SPIRE1: variants seen among roughly 807,000 people sequenced by gnomAD.
SPIRE1 encodes protein spire homolog 1.
A neutral mutation model predicts 94.1 loss-of-function variants in SPIRE1; 40 were observed. The observed-to-expected ratio is 0.43, with a 90% confidence interval of 0.33 to 0.55. The LOEUF is 0.55. Among genes scored for constraint, SPIRE1 ranks in the 20% least tolerant of loss-of-function variants. The probability of loss-of-function intolerance (pLI) is 0.06; values close to 1 mark genes in which losing one functional copy is unlikely to be tolerated. For synonymous variants in SPIRE1, 376 were observed against 371.7 expected (o/e 1.01, Z -0.13); for missense variants, 838 against 975.2 (o/e 0.86, Z 1.87).
chr18:12,496,538 A>T (rs1287746432), intron 6 of SPIRE1, among the ~76,000 whole-genome samples: 2 of 152,130 alleles, frequency 1.3e-5, no homozygotes, highest in African/African-American at 4.8e-5. Flanking sequence ...GTTAGAGACC[A>T]GCCTGGCCAA....
intron 2 of SPIRE1, among the ~76,000 whole-genome samples, chr18:12,557,713 AATAT>A (rs151266769): frequency 2.0e-5 from 3 of 146,908 alleles, no homozygotes; most frequent in East Asian, 4.0e-4. Flanking sequence ...ACAATATACA[AATAT>A]ATATATATAT....
At chr18:12,494,105 G>GTC (rs1166930555) in intron 7 of SPIRE1, among the ~76,000 whole-genome samples, 4 of 151,784 alleles carry the variant, frequency 2.6e-5, no homozygotes, top group Admixed American at 2.6e-4. Flanking sequence ...TAGAGAGAGG[G>GTC]TCTCTCTATG....
chr18:12,624,845 A>G (rs1598550380), intron 2 of SPIRE1, among the ~76,000 whole-genome samples: 1 of 151,548 alleles, frequency 6.6e-6, no homozygotes, highest in Admixed American at 6.6e-5. Flanking sequence ...AAAAAAAAAA[A>G]GTAATTATAA....
chr18:12,577,803 A>T (rs1378220341), intron 2 of SPIRE1, among the ~76,000 whole-genome samples: 1 of 152,248 alleles, frequency 6.6e-6, no homozygotes, highest in African/African-American at 2.4e-5. Context: ...TTTTACATAT[A>T]TGTGTATTTA....
At chr18:12,599,439 T>A (rs1010518444) in intron 2 of SPIRE1, among the ~76,000 whole-genome samples, 7 of 152,244 alleles carry the variant, frequency 4.6e-5, no homozygotes, top group African/African-American at 9.6e-5. Flanking sequence ...TTAAAAAAAT[T>A]TTTTTATAGA....
chr18:12,575,095 T>C (rs1002834345), intron 2 of SPIRE1, among the ~76,000 whole-genome samples: 1 of 151,994 alleles, frequency 6.6e-6, no homozygotes, highest in African/African-American at 2.4e-5. Flanking sequence ...GAGGTAGGTG[T>C]TTTCAGTCTG....
chr18:12,572,640 T>G (rs537908113), intron 2 of SPIRE1, among the ~76,000 whole-genome samples: 1 of 152,266 alleles, frequency 6.6e-6, no homozygotes, highest in Admixed American at 6.5e-5. Context: ...GTTAAAAAAA[T>G]TTTTAAATAG....
At chr18:12,656,928 T>C (rs551843949) in intron 1 of SPIRE1, among the ~76,000 whole-genome samples, 96 of 152,316 alleles carry the variant, frequency 6.3e-4, no homozygotes, top group African/African-American at 2.1e-3. Context: ...GAGCCAAAAA[T>C]CACTATTTAG....
At chr18:12,637,305 G>A (rs1247864860) in intron 1 of SPIRE1, among the ~76,000 whole-genome samples, 1 of 149,456 alleles carries the variant, frequency 6.7e-6, no homozygotes, top group Non-Finnish European at 1.5e-5. Context: ...CTTGCAGTGA[G>A]CCGAGATTGC....
intron 4 of SPIRE1, among the ~76,000 whole-genome samples, chr18:12,528,233 A>G (rs1047703807): frequency 2.0e-5 from 3 of 152,220 alleles, no homozygotes; most frequent in Admixed American, 6.5e-5. Flanking sequence ...AATCTATGAC[A>G]GGACTGACAG....
At chr18:12,572,218 G>A (rs1022392117) in intron 2 of SPIRE1, among the ~76,000 whole-genome samples, 1 of 152,078 alleles carries the variant, frequency 6.6e-6, no homozygotes, top group Non-Finnish European at 1.5e-5. Flanking sequence ...ATCACACAGG[G>A]TCTCATACAG....
chr18:12,518,398 CAGA>C (rs547528419), intron 4 of SPIRE1, among the ~76,000 whole-genome samples: 21 of 151,772 alleles, frequency 1.4e-4, no homozygotes, highest in Non-Finnish European at 2.6e-4. Context: ...GAGGCTGAAG[CAGA>C]AGGACTGCCT....
intron 2 of SPIRE1, among the ~76,000 whole-genome samples, chr18:12,603,723 C>T (rs762886135): frequency 1.3e-5 from 2 of 151,894 alleles, no homozygotes; most frequent in Non-Finnish European, 2.9e-5. Flanking sequence ...TACAGGTGCC[C>T]GACACCACGC....
intron 2 of SPIRE1, among the ~76,000 whole-genome samples, chr18:12,626,042 G>GC (rs35890423): frequency 0.087 from 10,607 of 121,932 alleles, 759 homozygotes; most frequent in Admixed American, 0.13. Flanking sequence ...ACACCGCCCC[G>GC]CCCCCCCCCA....
At chr18:12,513,440 G>A (rs73405595) in intron 4 of SPIRE1, among the ~76,000 whole-genome samples, 1,711 of 152,144 alleles carry the variant, frequency 0.011, 36 homozygotes, top group African/African-American at 0.039. Flanking sequence ...CTGTTTAAAT[G>A]CACTGTATGA....
chr18:12,608,965 A>T (rs1353683954), intron 2 of SPIRE1, among the ~76,000 whole-genome samples: 1 of 152,132 alleles, frequency 6.6e-6, no homozygotes, highest in African/African-American at 2.4e-5. Flanking sequence ...ATTTTTCCAC[A>T]AATGGGGGTG....
intron 2 of SPIRE1, among the ~76,000 whole-genome samples, chr18:12,597,892 C>T (rs768372530): frequency 2.2e-4 from 34 of 152,144 alleles, no homozygotes; most frequent in Non-Finnish European, 4.7e-4. Context: ...CCCCAGCTCA[C>T]CCCCATCCAC....
chr18:12,459,819 C>A (rs992782015), intron 12 of SPIRE1: 7 of 985,756 alleles, frequency 7.1e-6, no homozygotes, highest in South Asian at 4.7e-5. Context: ...CCCTGCTACC[C>A]CAAACATGGC....
At chr18:12,634,838 G>A (rs1179182870) in intron 2 of SPIRE1, among the ~76,000 whole-genome samples, 1 of 152,060 alleles carries the variant, frequency 6.6e-6, no homozygotes, top group Non-Finnish European at 1.5e-5. Context: ...AGAAGGCTGA[G>A]GCGGGAGAAT....
Sources: allele counts gnomAD v4.1 joint callset (sites outside exome capture counted in the v4.1 genomes callset), GRCh38; gene constraint gnomAD v4.1.1; transcripts MANE v1.5; gene names NCBI Gene and HGNC (gene_info 2026-07-23, HGNC 2026-07-21).